The following SLC25A37 variants were observed in gnomAD, a reference collection of about 807,000 sequenced individuals.
The protein encoded by SLC25A37 is mitoferrin-1.
In SLC25A37, 17 loss-of-function variants were observed where a neutral mutation model predicts 31.0. That is an observed-to-expected ratio of 0.55 (90% CI 0.38 to 0.82). The LOEUF is 0.82. Ranked by LOEUF, SLC25A37 falls within the 40% of genes least tolerant of loss-of-function variation. SLC25A37 has a pLI of 0.00. For synonymous variants in SLC25A37, 222 were observed against 193.0 expected (o/e 1.15, Z -1.24); for missense variants, 404 against 465.8 (o/e 0.87, Z 1.22).
chr8:23,560,141 A>C (rs935030936), intron 1 of SLC25A37, among the ~76,000 whole-genome samples: 29 of 152,110 alleles, frequency 1.9e-4, no homozygotes, highest in Non-Finnish European at 5.9e-5. Flanking sequence ...GGTGGTGCGC[A>C]CCTGTAGTCT....
chr8:23,546,553 A>ATATAG (rs377556225), intron 1 of SLC25A37, among the ~76,000 whole-genome samples: 22 of 17,090 alleles, frequency 1.3e-3, no homozygotes, highest in East Asian at 3.4e-3. Context: ...ATATATATAT[A>ATATAG]GTGTATATAT....
At chr8:23,563,866 A>C (rs1802579301) in intron 1 of SLC25A37, among the ~76,000 whole-genome samples, 1 of 152,054 alleles carries the variant, frequency 6.6e-6, no homozygotes, top group Non-Finnish European at 1.5e-5. Context: ...CTGTAATCCC[A>C]GCTACTCAGG....
chr8:23,571,985 TAG>T lies in SLC25A37; in HGVS notation c.*137_*138del. On this transcript the variant is annotated 3_prime_UTR_variant, in exon 4 of 4. Transcript: ENST00000519973. ...ATGGGCCCTCTGCTCCCCAATGCCT[TAG>T]AGAGAGGAGGGGACGGCACGGCCGC... is the stretch of plus-strand genomic sequence containing the variant. 1 of 1,044,874 alleles carries T rather than the reference TAG, an allele frequency of 9.6e-7. No homozygotes were observed. The highest frequency in any genetic ancestry group is 1.4e-6 in the Non-Finnish European group (1 of 726,002). The allele number at this position is 1,044,874 out of a possible 1,614,324, so 64.7% of individuals were successfully genotyped here.
intron 1 of SLC25A37, among the ~76,000 whole-genome samples, chr8:23,530,566 C>CA (rs5890114): frequency 0.022 from 3,314 of 152,328 alleles, 52 homozygotes; most frequent in East Asian, 0.072. Flanking sequence ...TCCAGTGTCC[C>CA]AGTGGGGAGT....
intron 3 of SLC25A37, 121 bp from the exon 4 acceptor site, chr8:23,571,213 TC>T: frequency 8.3e-7 from 1 of 1,210,030 alleles, no homozygotes; most frequent in African/African-American, 1.5e-5. Context: ...CTCGCCTGTT[TC>T]CGGTGTCTAA....
chr8:23,572,203 T>TAAAAAAAAAAAAAAA lies in SLC25A37; in HGVS notation c.*379_*393dup, dbSNP rs540950017. The TAAAAAAAAAAAAAAA allele has an allele frequency of 4.7e-5, 4 of 85,788 alleles. 1 individual carries two copies. Among genetic ancestry groups the TAAAAAAAAAAAAAAA allele is most frequent in the African/African-American group, 2.6e-4 (4 of 15,294 alleles). 5.3% of individuals were successfully genotyped at this position (85,788 alleles called of 1,614,324 possible). ...GAAAATTTGCAGTGACTGAAAACAGTAAAAAAAAAAAAAAAAAAAAAAAAA... is the reference window on the plus strand; with the variant it reads ...GAAAATTTGCAGTGACTGAAAACAGTAAAAAAAAAAAAAAAAAAAAAAAAAAAAAAAAAAAAAAAA... On this transcript the variant is annotated 3_prime_UTR_variant, in exon 4 of 4. Coordinates refer to ENST00000519973, the MANE Select transcript of SLC25A37 (RefSeq NM_016612.4).
At position 23,529,641 on chromosome 8, in the gene SLC25A37, C is replaced by G. The variant is rs1420453344; in HGVS notation, c.210+429C>G. ...GAGGGAGCTCCCCGCAGGGGAAGCC[C>G]TCACCACGCTGGAGCTGAGAAACGT... On this transcript the variant is annotated intron_variant, in intron 1 of 3. Coordinates refer to ENST00000519973, the MANE Select transcript of SLC25A37 (RefSeq NM_016612.4). This position sits in a 1 kb window ranked among gnomAD's most constrained non-coding sequence, Gnocchi z 4.1. Among the ~76,000 whole-genome samples the G allele has an allele frequency of 1.3e-5, 2 of 152,196 alleles. No individual in the cohort carries two copies. The highest frequency in any genetic ancestry group is 2.9e-5 in the Non-Finnish European group (2 of 68,022).
chr8:23,559,374 T>TGTGTGTGCGCGCGCGCGC (rs1563262799), intron 1 of SLC25A37, among the ~76,000 whole-genome samples: 43 of 151,276 alleles, frequency 2.8e-4, no homozygotes, highest in Non-Finnish European at 6.0e-4. Context: ...CGCGCGCGCG[T>TGTGTGTGCGCGCGCGCGC]GTGTGTGTTT....
intron 1 of SLC25A37, among the ~76,000 whole-genome samples, chr8:23,562,400 A>G (rs1220178801): frequency 6.6e-6 from 1 of 152,222 alleles, no homozygotes; most frequent in Admixed American, 6.5e-5. Context: ...TGTGGCTCCT[A>G]TTTAGGGGTG....
In SLC25A37 at chr8:23,571,413, AG is replaced by A; in HGVS notation, c.579del (p.Leu194TrpfsTer12). 1 of 1,613,802 alleles carries A rather than the reference AG, an allele frequency of 6.2e-7. No homozygotes were observed. Among genetic ancestry groups the A allele is most frequent in the East Asian group, 2.2e-5 (1 of 44,846 alleles). On this transcript the variant is annotated frameshift_variant, in exon 4 of 4. Transcript: ENST00000519973. LOFTEE classifies it high-confidence loss of function. ...TGCATCCGGACGGTGTGGAGGACCG[AG>A]GGGTTGGGGGCCTTCTACCGGAGCT... ...ISCIRTVWRT[E>X]GLGAFYRSYT...
intron 1 of SLC25A37, among the ~76,000 whole-genome samples, chr8:23,540,626 A>C (rs1221882887): frequency 6.6e-6 from 1 of 152,222 alleles, no homozygotes; most frequent in Non-Finnish European, 1.5e-5. Flanking sequence ...ACACCTTCTC[A>C]TTTCAGCAGT....
intron 1 of SLC25A37, among the ~76,000 whole-genome samples, chr8:23,557,378 C>T (rs1212841470): frequency 6.6e-6 from 1 of 152,072 alleles, no homozygotes; most frequent in Non-Finnish European, 1.5e-5. Flanking sequence ...GTAGTGTGTG[C>T]CTTCTAAGGA....
intron 1 of SLC25A37, among the ~76,000 whole-genome samples, chr8:23,538,028 T>C (rs1240010877): frequency 6.6e-6 from 1 of 150,986 alleles, no homozygotes; most frequent in Non-Finnish European, 1.5e-5. Context: ...ATTGGTTGAA[T>C]GAAGGAAGGC....
At chr8:23,538,889 G>GCGTCATTCTAGTTTCTTTGCTGGGC (rs1379890279) in intron 1 of SLC25A37, among the ~76,000 whole-genome samples, 1 of 152,140 alleles carries the variant, frequency 6.6e-6, no homozygotes, top group African/African-American at 2.4e-5. Context: ...CTACAGGGTA[G>GCGTCATTCTAGTTTCTTTGCTGGGC]CGTCATTCTA....
At position 23,553,861 on chromosome 8, in the gene SLC25A37, C is replaced by CATTA. The variant is rs1300898232; in HGVS notation, c.211-12246_211-12245insTTAA. On this transcript the variant is annotated intron_variant, in intron 1 of 3. Transcript: ENST00000519973. ...TTACACTCTTGCAGCTGGGCATAGA[C>CATTA]ACAGTCCTCAGGGGTTTTGTGGACA... Among the ~76,000 whole-genome samples, 43 of 152,286 alleles carry CATTA rather than the reference C, an allele frequency of 2.8e-4. 1 individual carries two copies. In the South Asian group the frequency reaches 2.9e-3, roughly 10 times the overall value.
chr8:23,566,059 T>A, intron 1 of SLC25A37, 49 bp from the exon 2 acceptor site: 1 of 1,530,068 alleles, frequency 6.5e-7, no homozygotes, highest in Non-Finnish European at 8.7e-7. Context: ...TTCTTTACCA[T>A]CCTGATTAAC....
At chr8:23,539,060 A>T (rs1018816376) in intron 1 of SLC25A37, among the ~76,000 whole-genome samples, 3 of 151,110 alleles carry the variant, frequency 2.0e-5, no homozygotes, top group African/African-American at 7.3e-5. Flanking sequence ...AACATCCCCC[A>T]CCCTCCTCGT....
At chr8:23,550,936 G>T (rs1359373096) in intron 1 of SLC25A37, among the ~76,000 whole-genome samples, 1 of 152,204 alleles carries the variant, frequency 6.6e-6, no homozygotes, top group Non-Finnish European at 1.5e-5. Context: ...GCGGCCTCTG[G>T]CTGTTGCCCC....
At chr8:23,532,835 G>T (rs1801688935) in intron 1 of SLC25A37, among the ~76,000 whole-genome samples, 1 of 152,234 alleles carries the variant, frequency 6.6e-6, no homozygotes, top group Non-Finnish European at 1.5e-5. Context: ...CTGGCTGCAG[G>T]CAGACTGGTA....
Sources: allele counts gnomAD v4.1 joint callset (sites outside exome capture counted in the v4.1 genomes callset), GRCh38; gene constraint gnomAD v4.1.1; non-coding constraint Gnocchi (gnomAD v3.1); transcripts MANE v1.5; gene names NCBI Gene and HGNC (gene_info 2026-07-23, HGNC 2026-07-21).